ZBTB16: variants seen among roughly 807,000 people sequenced by gnomAD.
The protein encoded by ZBTB16 is zinc finger and BTB domain-containing protein 16.
ZBTB16 carries 8 observed loss-of-function variants against 56.8 expected under a neutral mutation model. The ratio of observed to expected loss-of-function variants is 0.14; its 90% CI spans 0.08 to 0.25. The LOEUF is 0.25. ZBTB16 is among the 10% of genes least tolerant of loss of function. ZBTB16 has a pLI of 1.00. For synonymous variants in ZBTB16, 363 were observed against 368.5 expected, an observed-to-expected ratio of 0.98 and a Z score of 0.17; for missense variants, 625 against 903.0, an observed-to-expected ratio of 0.69 and a Z score of 3.95.
chr11:114,203,857 C>G (rs959515932), intron 4 of ZBTB16, among the ~76,000 whole-genome samples: 1 of 152,142 alleles, frequency 6.6e-6, no homozygotes, highest in African/African-American at 2.4e-5. Context: ...CCTCCCCATT[C>G]CTCCATTTTC....
chr11:114,188,683 A>T (rs1230303522), intron 4 of ZBTB16: 3 of 152,230 alleles, frequency 2.0e-5, no homozygotes, highest in Non-Finnish European at 4.4e-5. Flanking sequence ...GAGACAGACG[A>T]CATTGCTGCC....
At chr11:114,129,708 A>G (rs1179958085) in intron 2 of ZBTB16, among the ~76,000 whole-genome samples, 1 of 152,252 alleles carries the variant, frequency 6.6e-6, no homozygotes, top group African/African-American at 2.4e-5. Context: ...TAAATCTACC[A>G]ACTATTTCAC....
chr11:114,174,608 TG>T (rs1943059757), intron 3 of ZBTB16, among the ~76,000 whole-genome samples: 1 of 152,210 alleles, frequency 6.6e-6, no homozygotes, highest in South Asian at 2.1e-4. Flanking sequence ...AGTGTGTATG[TG>T]TGTATTTTGT....
intron 2 of ZBTB16, among the ~76,000 whole-genome samples, chr11:114,119,380 G>T (rs1421789585): frequency 1.3e-5 from 2 of 150,888 alleles, no homozygotes; most frequent in African/African-American, 4.9e-5. Context: ...GTCTGTGTGT[G>T]TGTGCACATG....
At chr11:114,230,292 G>T (rs1481023158) in intron 4 of ZBTB16, among the ~76,000 whole-genome samples, 1 of 152,160 alleles carries the variant, frequency 6.6e-6, no homozygotes, top group African/African-American at 2.4e-5. Context: ...CCTGAATCAG[G>T]TGTAATCAGG....
At chr11:114,071,187 A>C (rs922925583) in intron 2 of ZBTB16, among the ~76,000 whole-genome samples, 1 of 149,384 alleles carries the variant, frequency 6.7e-6, no homozygotes, top group African/African-American at 2.5e-5. Context: ...TGGAATCTGG[A>C]TTGGCAGTTC....
intron 2 of ZBTB16, among the ~76,000 whole-genome samples, chr11:114,101,571 T>A (rs1940608446): frequency 6.6e-6 from 1 of 152,236 alleles, no homozygotes; most frequent in African/African-American, 2.4e-5. Context: ...GAGTCAAGAC[T>A]GGCCTAGATG....
intron 5 of ZBTB16, among the ~76,000 whole-genome samples, chr11:114,245,391 G>A (rs1379817135): frequency 6.6e-6 from 1 of 152,210 alleles, no homozygotes; most frequent in Admixed American, 6.5e-5. Context: ...ATTCCCTGAT[G>A]GAAGTGCCCC....
intron 2 of ZBTB16, among the ~76,000 whole-genome samples, chr11:114,091,041 G>T (rs1199913670): frequency 1.3e-5 from 2 of 152,174 alleles, no homozygotes; most frequent in African/African-American, 4.8e-5. Flanking sequence ...ACCTGGTGAC[G>T]CAGACTAAGG....
intron 2 of ZBTB16, among the ~76,000 whole-genome samples, chr11:114,091,379 G>GT (rs1248703152): frequency 1.3e-5 from 2 of 151,732 alleles, no homozygotes. Flanking sequence ...AAAAAAGCAT[G>GT]TTTTCCTGTC....
At chr11:114,245,899 G>A (rs1391897721) in intron 5 of ZBTB16, among the ~76,000 whole-genome samples, 3 of 152,106 alleles carry the variant, frequency 2.0e-5, no homozygotes, top group African/African-American at 4.8e-5. Flanking sequence ...GTGACAAGAC[G>A]AATCAGCGAT....
intron 2 of ZBTB16, among the ~76,000 whole-genome samples, chr11:114,152,990 G>T (rs1475097223): frequency 6.6e-6 from 1 of 152,182 alleles, no homozygotes; most frequent in Non-Finnish European, 1.5e-5. Context: ...GTGGTGGGAG[G>T]TTGTGGTCTA....
At chr11:114,071,392 AGTCCCATT>A (rs1939343358) in intron 2 of ZBTB16, among the ~76,000 whole-genome samples, 1 of 152,162 alleles carries the variant, frequency 6.6e-6, no homozygotes, top group Non-Finnish European at 1.5e-5. Flanking sequence ...CTCAGTGAGA[AGTCCCATT>A]TTAATTTGCC....
At chr11:114,101,650 C>T (rs965880929) in intron 2 of ZBTB16, among the ~76,000 whole-genome samples, 1 of 152,156 alleles carries the variant, frequency 6.6e-6, no homozygotes, top group African/African-American at 2.4e-5. Context: ...AGTTTTCTCT[C>T]CTGTGAATTG....
At chr11:114,160,095 C>A (rs956248915) in intron 3 of ZBTB16, among the ~76,000 whole-genome samples, 1 of 152,180 alleles carries the variant, frequency 6.6e-6, no homozygotes, top group Non-Finnish European at 1.5e-5. Context: ...ACGGCTCTCA[C>A]TTCCTGGCTA....
intron 4 of ZBTB16, chr11:114,188,999 C>G (rs1249367304): frequency 2.0e-5 from 3 of 152,168 alleles, no homozygotes; most frequent in Non-Finnish European, 4.4e-5. Context: ...CTGGATCAAG[C>G]CTGACAAGTT....
intron 5 of ZBTB16, chr11:114,246,975 C>G (rs1944827897): frequency 3.2e-6 from 2 of 618,496 alleles, no homozygotes; most frequent in African/African-American, 1.8e-5. Context: ...AGGACTGGCC[C>G]TTGCCCCACA....
chr11:114,083,220 T>G (rs547544222), intron 2 of ZBTB16, among the ~76,000 whole-genome samples: 3 of 152,318 alleles, frequency 2.0e-5, no homozygotes, highest in African/African-American at 7.2e-5. Context: ...TCTCTTTTCT[T>G]TGTCTTTTTT....
intron 3 of ZBTB16, among the ~76,000 whole-genome samples, chr11:114,159,627 G>T (rs1942521241): frequency 6.6e-6 from 1 of 152,190 alleles, no homozygotes; most frequent in African/African-American, 2.4e-5. Flanking sequence ...CCTCTGGAGT[G>T]ACCTGGACTT....
Sources: allele counts gnomAD v4.1 joint callset (sites outside exome capture counted in the v4.1 genomes callset), GRCh38; gene constraint gnomAD v4.1.1; transcripts MANE v1.5; gene names NCBI Gene and HGNC (gene_info 2026-07-23, HGNC 2026-07-21).